PMF1: variants seen among roughly 807,000 people sequenced by gnomAD.
The protein encoded by PMF1 is polyamine modulated factor 1.
PMF1 carries 21 observed loss-of-function variants against 26.7 expected under a neutral mutation model. The observed-to-expected ratio is 0.79, with a 90% CI of 0.56 to 1.13. The LOEUF (loss-of-function observed/expected upper bound fraction) is 1.13. Ranked by LOEUF, PMF1 falls within the 50% of genes most tolerant of loss-of-function variation. PMF1 has a pLI of 0.00. For synonymous variants in PMF1, 105 were observed against 101.0 expected (o/e 1.04, Z -0.24); for missense variants, 266 against 254.9 (o/e 1.04, Z -0.30).
chr1:156,232,782 A>C (rs1028754574), intron 2 of PMF1, among the ~76,000 whole-genome samples: 17 of 151,662 alleles, frequency 1.1e-4, no homozygotes, highest in Non-Finnish European at 2.1e-4. Flanking sequence ...TGCAGCCTCA[A>C]ACTCTGGGCT....
At chr1:156,230,044 A>G (rs997370797) in intron 1 of PMF1, among the ~76,000 whole-genome samples, 2 of 152,248 alleles carry the variant, frequency 1.3e-5, no homozygotes, top group South Asian at 4.1e-4. Context: ...TTCCAAAAAC[A>G]TTGTTTGGGG....
chr1:156,216,814 G>C (rs1657764796), intron 1 of PMF1, among the ~76,000 whole-genome samples: 1 of 152,040 alleles, frequency 6.6e-6, no homozygotes, highest in African/African-American at 2.4e-5. Context: ...GAGTTGGCCA[G>C]GGCCGATCGA....
intron 1 of PMF1, among the ~76,000 whole-genome samples, chr1:156,230,056 C>T (rs561617868): frequency 7.9e-5 from 12 of 152,190 alleles, no homozygotes; most frequent in African/African-American, 1.9e-4. Flanking sequence ...TGTTTGGGGG[C>T]GGGTTTCGTG....
intron 2 of PMF1, among the ~76,000 whole-genome samples, chr1:156,232,700 C>CTT (rs35660146): frequency 6.8e-6 from 1 of 146,922 alleles, no homozygotes; most frequent in Non-Finnish European, 1.5e-5. Context: ...CTGATGGGGT[C>CTT]TTTTTTTTTT....
At chr1:156,231,529 C>A (rs1234976921) in intron 1 of PMF1, among the ~76,000 whole-genome samples, 1 of 151,822 alleles carries the variant, frequency 6.6e-6, no homozygotes, top group Non-Finnish European at 1.5e-5. Flanking sequence ...ACGGTGAAAC[C>A]CCATCTCTAC....
intron 4 of PMF1, among the ~76,000 whole-genome samples, chr1:156,238,209 T>G (rs1659148961): frequency 6.6e-6 from 1 of 152,248 alleles, no homozygotes; most frequent in African/African-American, 2.4e-5. Context: ...TCAGGTACTG[T>G]GATGCCTCCA....
chr1:156,234,387 G>A (rs757494683), intron 3 of PMF1, among the ~76,000 whole-genome samples: 39 of 152,158 alleles, frequency 2.6e-4, no homozygotes, highest in Non-Finnish European at 4.4e-4. Flanking sequence ...AGGCAGAATC[G>A]TGAGGTTTGG....
intron 2 of PMF1, among the ~76,000 whole-genome samples, 196 bp downstream of exon 2, chr1:156,232,621 T>C (rs1295487308): frequency 6.6e-6 from 1 of 152,092 alleles, no homozygotes; most frequent in African/African-American, 2.4e-5. Context: ...CAGCCTTTGC[T>C]CACTGTCCTG....
intron 1 of PMF1, among the ~76,000 whole-genome samples, chr1:156,218,819 A>G (rs1657923942): frequency 1.3e-5 from 2 of 151,956 alleles, no homozygotes; most frequent in African/African-American, 2.4e-5. Flanking sequence ...GATATTGCCT[A>G]ATCCGTTTTT....
rs538231644 is a variant in PMF1 at position 156,229,804 on chromosome 1, G to A, written c.162-2516G>A. Among the ~76,000 whole-genome samples the A allele has an allele frequency of 7.2e-5, 11 of 152,156 alleles. No homozygotes were observed. The South Asian group carries it at 2.1e-3, about 29-fold the overall frequency. Reference sequence around the variant, plus strand: ...GTCAGGCTGGTCCCGAACTCCCAACGTCAGGTGATCCACCGGTCTCTGCCT... The same window carrying A: ...GTCAGGCTGGTCCCGAACTCCCAACATCAGGTGATCCACCGGTCTCTGCCT... On this transcript the variant is annotated intron_variant, in intron 1 of 4. Transcript: ENST00000368277.
chr1:156,235,002 C>A (rs1217646117), intron 3 of PMF1, among the ~76,000 whole-genome samples: 1 of 152,138 alleles, frequency 6.6e-6, no homozygotes, highest in Non-Finnish European at 1.5e-5. Context: ...CCTCCTGCAA[C>A]CCTCCCTCCC....
At chr1:156,218,945 G>T (rs1657931547) in intron 1 of PMF1, among the ~76,000 whole-genome samples, 1 of 150,716 alleles carries the variant, frequency 6.6e-6, no homozygotes, top group African/African-American at 2.4e-5. Context: ...TTTTGAGACG[G>T]AGTCTCGGTC....
intron 1 of PMF1, among the ~76,000 whole-genome samples, chr1:156,214,404 T>G (rs962442712): frequency 6.6e-6 from 1 of 152,184 alleles, no homozygotes; most frequent in Admixed American, 6.5e-5. Context: ...CCATTCCTCC[T>G]GGGTTCAGCA....
intron 1 of PMF1, among the ~76,000 whole-genome samples, chr1:156,225,917 C>T (rs1275035201): frequency 3.3e-5 from 5 of 151,490 alleles, no homozygotes; most frequent in African/African-American, 4.9e-5. Flanking sequence ...TGCAGTAGCA[C>T]GATCTCTGCT....
chr1:156,214,668 G>A (rs1198535178), intron 1 of PMF1, among the ~76,000 whole-genome samples: 1 of 151,740 alleles, frequency 6.6e-6, no homozygotes, highest in South Asian at 2.1e-4. Flanking sequence ...ATTTGAGCCT[G>A]GAAGTTTGAG....
intron 1 of PMF1, chr1:156,223,448 G>C (rs1658189809): frequency 6.6e-6 from 1 of 152,192 alleles, no homozygotes; most frequent in Non-Finnish European, 1.5e-5. Flanking sequence ...TTGAGTCCCA[G>C]CTGGCTCCAT....
At chr1:156,234,877 C>G (rs1003921982) in intron 3 of PMF1, among the ~76,000 whole-genome samples, 8 of 152,024 alleles carry the variant, frequency 5.3e-5, no homozygotes, top group African/African-American at 1.9e-4. Flanking sequence ...TCTCCTGGAG[C>G]TGACATTTCA....
intron 1 of PMF1, among the ~76,000 whole-genome samples, chr1:156,226,882 C>G (rs1658400411): frequency 6.6e-6 from 1 of 152,282 alleles, no homozygotes. Flanking sequence ...CTTATGTACC[C>G]TTGGAGGCCA....
chr1:156,231,207 A>C (rs1658681231), intron 1 of PMF1, among the ~76,000 whole-genome samples: 1 of 121,694 alleles, frequency 8.2e-6, no homozygotes, highest in African/African-American at 3.3e-5. Context: ...ACAGAGCAAG[A>C]CTCCATCTCA....
Sources: gnomAD v4.1 joint callset for allele counts (sites outside exome capture counted in the v4.1 genomes callset) on GRCh38, gnomAD v4.1.1 for gene constraint, MANE v1.5 for transcripts, NCBI Gene and HGNC (gene_info 2026-07-23, HGNC 2026-07-21) for gene names.